The following RNF214 variants were observed in gnomAD, a reference collection of about 807,000 sequenced individuals.
RNF214 encodes the protein ring finger protein 214.
A neutral mutation model predicts 75.9 loss-of-function variants in RNF214; 25 were observed. The observed-to-expected ratio is 0.33, with a 90% CI of 0.24 to 0.46. The LOEUF (loss-of-function observed/expected upper bound fraction) is 0.46. Ranked by LOEUF, RNF214 falls within the 20% of genes least tolerant of loss-of-function variation. RNF214 has a pLI of 1.00. For missense variants in RNF214, 725 were observed against 857.5 expected (o/e 0.85, Z 1.93); for synonymous variants, 314 against 308.8 (o/e 1.02, Z -0.18).
In RNF214 at chr11:117,280,093, G is replaced by C. The variant is rs1264691183; in HGVS notation, c.1057-78G>C. ...GGCATTGTAATAGGAGAGCCAGTAA[G>C]CATTTGTTTTCACTACCTAGAGGTA... On this transcript the variant is annotated intron_variant, in intron 7 of 14. Coordinates refer to ENST00000300650, the MANE Select transcript of RNF214 (RefSeq NM_207343.4). The C allele has an allele frequency of 2.0e-6, 3 of 1,483,110 alleles. No homozygotes were observed. In the African/African-American group the frequency reaches 4.2e-5, roughly 21 times the overall value. 91.9% of individuals were successfully genotyped at this position (1,483,110 alleles called of 1,614,324 possible). A position where few individuals can be genotyped will look rare whatever the true frequency, so the allele number is the denominator to read the frequency against.
chr11:117,278,679 T>C (rs1490879661), intron 6 of RNF214, among the ~76,000 whole-genome samples: 8 of 152,190 alleles, frequency 5.3e-5, no homozygotes, highest in East Asian at 1.9e-4. Context: ...TCCTGAGGTA[T>C]GAAGAGAACA....
chr11:117,250,415 A>G (rs1336900993), intron 6 of RNF214, among the ~76,000 whole-genome samples: 1 of 152,158 alleles, frequency 6.6e-6, no homozygotes, highest in Non-Finnish European at 1.5e-5. Flanking sequence ...AGTTTAAGAA[A>G]TTAAAAAAAT....
intron 6 of RNF214, among the ~76,000 whole-genome samples, chr11:117,271,909 C>CT (rs770585814): frequency 2.6e-5 from 4 of 152,108 alleles, no homozygotes; most frequent in Non-Finnish European, 5.9e-5. Flanking sequence ...ACCTCCTGGG[C>CT]TTAAGCAGTC....
At position 117,282,198 on chromosome 11, in the gene RNF214, C is replaced by T; in HGVS notation, c.1640C>T (p.Pro547Leu). ...GGTGTTAAGGCTTCTGCTGAAACTCCCCGGCCCCAACCAGTAGACAAACTG... is the reference window on the plus strand; with the variant it reads ...GGTGTTAAGGCTTCTGCTGAAACTCTCCGGCCCCAACCAGTAGACAAACTG... ...LGGVKASAET[P>L]RPQPVDKLEK... Residue 547 changes from proline (P) to leucine (L), a missense_variant, in exon 11 of 15, where the codon CCC (proline) becomes CTC (leucine). By Grantham distance (98) the Pro-to-Leu change is moderately conservative. Transcript: ENST00000300650. The T allele has an allele frequency of 6.2e-7, 1 of 1,613,544 alleles. No individual in the cohort carries two copies.
Position 117,239,838 on chromosome 11 carries a change from A to G in RNF214, c.656A>G (p.Asp219Gly). ...FKTADSEVNT[D>G]QDIEKNLDKM... The stretch of plus-strand genomic sequence containing the variant: ...ACAGCTGATTCAGAGGTAAACACAG[A>G]TCAAGATATTGAAAAGAATTTGGTA... Residue 219 changes from aspartate to glycine, a missense_variant, in exon 4 of 15, where the codon GAT becomes GGT. By Grantham distance (94) the Asp-to-Gly change is moderately conservative. This residue lies in a region of RNF214 where 362 missense variants were observed against 344.5 expected (regional missense o/e 1.05). Coordinates refer to ENST00000300650, the MANE Select transcript of RNF214 (RefSeq NM_207343.4). 6.4e-7 allele frequency: 1 copy of G among 1,561,824 alleles called. No individual in the cohort carries two copies. The highest frequency in any genetic ancestry group is 8.8e-7 in the Non-Finnish European group (1 of 1,132,668).
At chr11:117,268,206 T>G (rs1391846523) in intron 6 of RNF214, among the ~76,000 whole-genome samples, 11 of 152,240 alleles carry the variant, frequency 7.2e-5, no homozygotes, top group Admixed American at 7.2e-4. Flanking sequence ...CAAACTGTTC[T>G]TAGTCATATT....
At chr11:117,232,902 T>G (rs943977674) in intron 1 of RNF214, 176 bp downstream of exon 1, 80 of 33,230 alleles carry the variant, frequency 2.4e-3, no homozygotes, top group South Asian at 4.5e-3. Context: ...GACGGGGGGG[T>G]GGCTGGCAGC....
rs1345923394 is a variant in RNF214 at position 117,282,638 on chromosome 11, T to A, written c.1845+102T>A. ...TGGGAAGAAGCATTCCAGTCAGAGG[T>A]AGCTAGTCTGCTTTTTTCCTTTCCT... On this transcript the variant is annotated intron_variant, in intron 12 of 14. Transcript: ENST00000300650. The A allele has an allele frequency of 1.9e-6, 3 of 1,547,422 alleles. No individual in the cohort carries two copies. In the African/African-American group the frequency reaches 4.1e-5, roughly 21 times the overall value.
intron 1 of RNF214, 175 bp downstream of exon 1, chr11:117,232,901 G>A (rs1389302515): frequency 1.3e-5 from 2 of 148,474 alleles, no homozygotes; most frequent in Non-Finnish European, 1.5e-5. Context: ...GGACGGGGGG[G>A]TGGCTGGCAG....
At chr11:117,245,339 T>G (rs1386672121) in intron 5 of RNF214, among the ~76,000 whole-genome samples, 1 of 149,214 alleles carries the variant, frequency 6.7e-6, no homozygotes, top group African/African-American at 2.5e-5. Flanking sequence ...TTAATACTCA[T>G]AGACTTTTTT....
At chr11:117,261,652 T>A (rs1287062471) in intron 6 of RNF214, among the ~76,000 whole-genome samples, 1 of 152,082 alleles carries the variant, frequency 6.6e-6, no homozygotes, top group Non-Finnish European at 1.5e-5. Context: ...TTTAATTAAT[T>A]TTTGTGTGAG....
chr11:117,281,557 C>T (rs1237455152), intron 9 of RNF214, 43 bp from the exon 10 acceptor site: 2 of 1,494,054 alleles, frequency 1.3e-6, no homozygotes, highest in Non-Finnish European at 1.9e-6. Context: ...TTCTAGAGAG[C>T]CTGAGTCAGT....
chr11:117,265,880 G>A (rs917273241), intron 6 of RNF214, among the ~76,000 whole-genome samples: 10 of 152,156 alleles, frequency 6.6e-5, no homozygotes, highest in African/African-American at 2.4e-4. Flanking sequence ...AATGCTCCCT[G>A]TATTCATTTT....
rs544985476 is a variant in RNF214, at chr11:117,277,950, G to C, written c.960-1958G>C. 8.6e-5 allele frequency among the ~76,000 whole-genome samples: 13 copies of C among 151,394 alleles called. No individual in the cohort carries two copies. The East Asian group carries it at 2.3e-3, about 27-fold the overall frequency. On this transcript the variant is annotated intron_variant, in intron 6 of 14. Transcript: ENST00000300650. ...GATTGTGTCACTGCACTCCAGACTGGGCAACAGATAGAGACTCCCTCTCAA... is the reference window on the plus strand; with the variant it reads ...GATTGTGTCACTGCACTCCAGACTGCGCAACAGATAGAGACTCCCTCTCAA...
At chr11:117,282,697 C>A (rs763923354) in intron 12 of RNF214, 49 bp from the exon 13 acceptor site, 1 of 1,567,768 alleles carries the variant, frequency 6.4e-7, no homozygotes, top group Non-Finnish European at 8.8e-7. Flanking sequence ...GTGATATGCT[C>A]TGTTACTCAG....
chr11:117,283,014 T>C lies in RNF214; in HGVS notation c.1951-101T>C, dbSNP rs117566046. 223 of 1,034,392 alleles carry C rather than the reference T, an allele frequency of 2.2e-4. No homozygotes were observed. The East Asian group carries it at 5.4e-3, about 25-fold the overall frequency. 64.1% of individuals were successfully genotyped at this position (1,034,392 alleles called of 1,614,324 possible). A position where few individuals can be genotyped will look rare whatever the true frequency, so the allele number is the denominator to read the frequency against. On this transcript the variant is annotated intron_variant, in intron 13 of 14. Transcript: ENST00000300650. ...AAGAATCTATATTTGGATTTTTGTTTCTTTTGATATAAATCTTTTTGCTGC... is the reference window on the plus strand; with the variant it reads ...AAGAATCTATATTTGGATTTTTGTTCCTTTTGATATAAATCTTTTTGCTGC...
chr11:117,235,226 C>T (rs1486251499), intron 2 of RNF214, among the ~76,000 whole-genome samples: 2 of 152,104 alleles, frequency 1.3e-5, no homozygotes, highest in East Asian at 3.8e-4. Flanking sequence ...GATGGAGTCT[C>T]ACTCTGTTGG....
At chr11:117,233,187 C>T (rs567107265) in intron 1 of RNF214, among the ~76,000 whole-genome samples, 5 of 152,352 alleles carry the variant, frequency 3.3e-5, no homozygotes, top group African/African-American at 9.6e-5. Flanking sequence ...CACGGAGTTG[C>T]ATGCATGGCC....
chr11:117,276,224 A>T (rs894797358), intron 6 of RNF214, among the ~76,000 whole-genome samples: 1 of 152,220 alleles, frequency 6.6e-6, no homozygotes, highest in Non-Finnish European at 1.5e-5. Context: ...TAGGCACAGA[A>T]GGAACATACC....
Sources: gnomAD v4.1 joint callset for allele counts (sites outside exome capture counted in the v4.1 genomes callset) on GRCh38, gnomAD v4.1.1 for gene constraint, gnomAD v4.1.1 regional missense constraint, MANE v1.5 for transcripts, NCBI Gene and HGNC (gene_info 2026-07-23, HGNC 2026-07-21) for gene names.